WWOX: variants seen among roughly 807,000 people sequenced by gnomAD.
WWOX encodes the protein WW domain containing oxidoreductase, also known as WW domain-containing oxidoreductase.
A neutral mutation model predicts 46.2 loss-of-function variants in WWOX; 69 were observed. The ratio of observed to expected loss-of-function variants is 1.49; its 90% confidence interval spans 1.23 to 1.82. The LOEUF (loss-of-function observed/expected upper bound fraction) is 1.82. Among genes scored for constraint, WWOX ranks in the 40% most tolerant of loss-of-function variants. The pLI is 0.00. For missense variants in WWOX, 919 were observed against 542.6 expected (o/e 1.69, Z -6.89); for synonymous variants, 359 against 202.6 (o/e 1.77, Z -6.56).
chr16:78,386,047 C>G (rs1490234716), intron 5 of WWOX, among the ~76,000 whole-genome samples: 1 of 152,172 alleles, frequency 6.6e-6, no homozygotes, highest in African/African-American at 2.4e-5. Flanking sequence ...CTCTCCAGTT[C>G]TCCTGGTTTC....
intron 8 of WWOX, among the ~76,000 whole-genome samples, chr16:79,153,761 G>T (rs2003877): frequency 0.13 from 19,214 of 152,036 alleles, 3,021 homozygotes; most frequent in African/African-American, 0.37. Context: ...TTTGGGGGGG[G>T]TTTTTTGTTG....
In WWOX at chr16:78,472,932, C is replaced by T. The variant is rs141648462; in HGVS notation, c.1056+40180C>T. Among the ~76,000 whole-genome samples the T allele has an allele frequency of 2.2e-3, 337 of 151,978 alleles. 1 individual carries two copies. The highest frequency in any genetic ancestry group is 6.7e-3 in the African/African-American group (279 of 41,482). ...CTTCTTCCCAGTCTGTGGTTTAGCA[C>T]GGGAAAAAGCAAACTAGGGCCCTTG... On this transcript the variant is annotated intron_variant, in intron 8 of 8. Transcript: ENST00000566780.
intron 4 of WWOX, among the ~76,000 whole-genome samples, chr16:78,126,648 G>A (rs1239983971): frequency 6.6e-6 from 1 of 152,150 alleles, no homozygotes; most frequent in South Asian, 2.1e-4. Context: ...GTGATCAAGA[G>A]GAAATTCACA....
At chr16:78,888,912 A>C (rs1046855014) in intron 8 of WWOX, among the ~76,000 whole-genome samples, 1 of 151,866 alleles carries the variant, frequency 6.6e-6, no homozygotes, top group African/African-American at 2.4e-5. Context: ...TCACAGTGGC[A>C]ATTTCAAGCT....
intron 8 of WWOX, among the ~76,000 whole-genome samples, chr16:78,775,309 A>T (rs1175632459): frequency 6.6e-6 from 1 of 152,174 alleles, no homozygotes; most frequent in Non-Finnish European, 1.5e-5. Flanking sequence ...GTTCACAGCA[A>T]TGCCTTTGAG....
intron 5 of WWOX, among the ~76,000 whole-genome samples, chr16:78,325,984 A>G (rs915596478): frequency 6.6e-6 from 1 of 152,248 alleles, no homozygotes; most frequent in Non-Finnish European, 1.5e-5. Flanking sequence ...CCCTTGTGAC[A>G]TGATAGGGCT....
chr16:78,984,632 G>T lies in WWOX; in HGVS notation c.1057-226976G>T, dbSNP rs912224191. On this transcript the variant is annotated intron_variant, in intron 8 of 8. Transcript: ENST00000566780. ...TCTACTCAAGTAAGTCAATGTTTCT[G>T]TCTCAACTGGTTGATTGGAACAACA... is the stretch of plus-strand genomic sequence containing the variant. Among the ~76,000 whole-genome samples the T allele has an allele frequency of 2.6e-5, 4 of 152,230 alleles. No homozygotes were observed. The East Asian group carries it at 7.7e-4, about 29-fold the overall frequency.
intron 8 of WWOX, among the ~76,000 whole-genome samples, chr16:78,521,733 ATC>A (rs1307011414): frequency 6.6e-6 from 1 of 152,066 alleles, no homozygotes; most frequent in African/African-American, 2.4e-5. Context: ...CCAAAAGAGT[ATC>A]TCTCAAAATA....
At chr16:78,852,727 C>G (rs906247274) in intron 8 of WWOX, among the ~76,000 whole-genome samples, 2 of 152,134 alleles carry the variant, frequency 1.3e-5, no homozygotes, top group Non-Finnish European at 2.9e-5. Context: ...TATGCGCTGC[C>G]TACAGGATAA....
At chr16:79,129,394 T>G (rs1046824783) in intron 8 of WWOX, among the ~76,000 whole-genome samples, 3 of 147,984 alleles carry the variant, frequency 2.0e-5, no homozygotes, top group Non-Finnish European at 3.0e-5. Flanking sequence ...CTATCTCGTA[T>G]GGAACGATCT....
intron 8 of WWOX, among the ~76,000 whole-genome samples, chr16:78,889,530 G>A (rs1042571986): frequency 1.6e-4 from 24 of 151,988 alleles, no homozygotes; most frequent in African/African-American, 5.3e-4. Flanking sequence ...AGTGCTATAC[G>A]ACAGCCATAA....
chr16:78,645,194 CTCCTGCGTGG>C (rs752600930), intron 8 of WWOX, among the ~76,000 whole-genome samples: 2 of 152,154 alleles, frequency 1.3e-5, no homozygotes, highest in Non-Finnish European at 2.9e-5. Flanking sequence ...ACTGGTTTCT[CTCCTGCGTGG>C]TCTTGTTCTA....
At chr16:78,337,477 C>T (rs938899410) in intron 5 of WWOX, among the ~76,000 whole-genome samples, 22 of 152,192 alleles carry the variant, frequency 1.4e-4, no homozygotes, top group African/African-American at 4.3e-4. Flanking sequence ...AAACCAATAT[C>T]GATACATTAT....
chr16:78,993,635 G>A (rs1438850109), intron 8 of WWOX, among the ~76,000 whole-genome samples: 1 of 152,204 alleles, frequency 6.6e-6, no homozygotes, highest in African/African-American at 2.4e-5. Flanking sequence ...GCTCCAGAGT[G>A]AGCCCATGGC....
At chr16:78,979,634 C>A (rs1299897262) in intron 8 of WWOX, among the ~76,000 whole-genome samples, 1 of 152,168 alleles carries the variant, frequency 6.6e-6, no homozygotes, top group East Asian at 1.9e-4. Flanking sequence ...TTGAAAGGAT[C>A]TTGTTACTCA....
At position 79,212,012 on chromosome 16, in the gene WWOX, A is replaced by G; in HGVS notation, c.*216A>G. 6.5e-7 allele frequency: 1 copy of G among 1,536,260 alleles called. No individual in the cohort carries two copies. Among genetic ancestry groups the G allele is most frequent in the Non-Finnish European group, 8.7e-7 (1 of 1,146,914 alleles). On this transcript the variant is annotated 3_prime_UTR_variant, in exon 9 of 9. Coordinates refer to ENST00000566780, the MANE Select transcript of WWOX (RefSeq NM_016373.4). ...ACTTTTCTGGGGCTGGGCTAGGCAT[A>G]GGTCTCTTTGCTTTCTGGTGGTGGC...
At chr16:78,685,138 CAG>C (rs1344244445) in intron 8 of WWOX, among the ~76,000 whole-genome samples, 1 of 152,152 alleles carries the variant, frequency 6.6e-6, no homozygotes, top group African/African-American at 2.4e-5. Context: ...GATGTCTAGT[CAG>C]AGTTTCCATT....
At chr16:79,079,649 C>G (rs1254545789) in intron 8 of WWOX, among the ~76,000 whole-genome samples, 1 of 152,230 alleles carries the variant, frequency 6.6e-6, no homozygotes, top group East Asian at 1.9e-4. Flanking sequence ...CCATCCTTCA[C>G]TCATCTTACC....
intron 8 of WWOX, among the ~76,000 whole-genome samples, chr16:78,754,910 T>C (rs2049598625): frequency 6.6e-6 from 1 of 151,994 alleles, no homozygotes; most frequent in South Asian, 2.1e-4. Flanking sequence ...TCTGCAGGGG[T>C]GGTACTGCTG....
Sources: gnomAD v4.1 joint callset for allele counts (sites outside exome capture counted in the v4.1 genomes callset) on GRCh38, gnomAD v4.1.1 for gene constraint, MANE v1.5 for transcripts, NCBI Gene and HGNC (gene_info 2026-07-23, HGNC 2026-07-21) for gene names.